Variants in PFKFB3 observed in about 807,000 individuals in gnomAD.
PFKFB3 encodes 6-phosphofructo-2-kinase/fructose-2,6-bisphosphatase 3.
PFKFB3 carries 33 observed loss-of-function variants against 68.0 expected under a neutral mutation model. The observed-to-expected ratio is 0.49, with a 90% confidence interval of 0.37 to 0.65. The LOEUF (loss-of-function observed/expected upper bound fraction) is 0.65, where lower values mean the gene tolerates loss of function less well. Among genes scored for constraint, PFKFB3 ranks in the 30% least tolerant of loss-of-function variants. The pLI is 0.00. For synonymous variants in PFKFB3, 315 were observed against 288.2 expected (o/e 1.09, Z -0.94); for missense variants, 586 against 712.2 (o/e 0.82, Z 2.02).
At chr10:6,277,356 G>A in the PFKFB3 span, among the ~76,000 whole-genome samples, 1 of 151,918 alleles carries the variant, frequency 6.6e-6, no homozygotes, top group African/African-American at 2.4e-5. Context: ...GAGTAGCTGG[G>A]ATTACAGGTG....
intron 1 of PFKFB3, among the ~76,000 whole-genome samples, chr10:6,191,765 G>A (rs1414943125): frequency 2.0e-5 from 3 of 152,116 alleles, no homozygotes; most frequent in African/African-American, 7.2e-5. Context: ...CTTCAAATCA[G>A]CATCTGGTTT....
intron 14 of PFKFB3, among the ~76,000 whole-genome samples, chr10:6,249,799 T>G (rs886634880): frequency 6.6e-6 from 1 of 152,052 alleles, no homozygotes; most frequent in African/African-American, 2.4e-5. Context: ...AAAATAATAA[T>G]GTACATTTCA....
chr10:6,264,440 T>C, the PFKFB3 span, among the ~76,000 whole-genome samples: 2 of 152,240 alleles, frequency 1.3e-5, no homozygotes. Flanking sequence ...AGAACTGATA[T>C]CTTTACAATA....
chr10:6,225,704 T>G (rs1029360630), intron 13 of PFKFB3, among the ~76,000 whole-genome samples: 6 of 139,000 alleles, frequency 4.3e-5, no homozygotes, highest in East Asian at 2.0e-4. Flanking sequence ...TGCCCCATCC[T>G]AAGCCAGGGT....
At chr10:6,260,307 G>T in the PFKFB3 span, among the ~76,000 whole-genome samples, 1 of 151,688 alleles carries the variant, frequency 6.6e-6, no homozygotes, top group African/African-American at 2.4e-5. Flanking sequence ...TAGCTACACG[G>T]AGAGGCTGAG....
chr10:6,174,453 A>G (rs1842403550), intron 1 of PFKFB3, among the ~76,000 whole-genome samples: 1 of 152,206 alleles, frequency 6.6e-6, no homozygotes, highest in African/African-American at 2.4e-5. Flanking sequence ...CGCGGGCATC[A>G]GCTCAAGTTC....
chr10:6,205,670 G>A (rs1294374701), intron 1 of PFKFB3, among the ~76,000 whole-genome samples: 2 of 152,092 alleles, frequency 1.3e-5, no homozygotes, highest in African/African-American at 4.8e-5. Context: ...TGGGATTATA[G>A]GCATGAGCCA....
At chr10:6,256,327 G>A (rs953306615), downstream of PFKFB3, among the ~76,000 whole-genome samples, 3 of 152,172 alleles carry the variant, frequency 2.0e-5, no homozygotes, top group Admixed American at 6.5e-5. Flanking sequence ...GGTCACTCAA[G>A]GACTTGGGGG....
chr10:6,216,862 C>A, intron 5 of PFKFB3, 82 bp downstream of exon 5: 1 of 881,844 alleles, frequency 1.1e-6, no homozygotes, highest in Non-Finnish European at 1.8e-6. Flanking sequence ...CCTGCTTGGT[C>A]CTTCCCCTCC....
At position 6,217,121 on chromosome 10, in the gene PFKFB3, C is replaced by T. The variant is rs767361671; in HGVS notation, c.442-14C>T. On this transcript the variant is annotated splice_polypyrimidine_tract_variant and intron_variant, in intron 5 of 14. Transcript: ENST00000379775. ...GGTGTTTGTTTTCTAACATCCCCAC[C>T]TCACTTCCACCAGGCGTTTTTCATC... The T allele has an allele frequency of 3.1e-6, 5 of 1,613,766 alleles. No homozygotes were observed. The Admixed American group carries it at 8.3e-5, about 27-fold the overall frequency.
intron 1 of PFKFB3, among the ~76,000 whole-genome samples, chr10:6,166,212 G>C (rs1842134595): frequency 6.6e-6 from 1 of 152,016 alleles, no homozygotes; most frequent in African/African-American, 2.4e-5. Context: ...GAACACCTGA[G>C]CTCAGGTGAT....
At chr10:6,176,790 G>A (rs1842486670) in intron 1 of PFKFB3, among the ~76,000 whole-genome samples, 1 of 152,194 alleles carries the variant, frequency 6.6e-6, no homozygotes, top group Non-Finnish European at 1.5e-5. Flanking sequence ...AGTGACTCAA[G>A]CTGTCTCCGG....
the PFKFB3 span, among the ~76,000 whole-genome samples, chr10:6,284,251 G>A: frequency 6.6e-6 from 1 of 152,190 alleles, no homozygotes; most frequent in Non-Finnish European, 1.5e-5. Flanking sequence ...TTTTCTGCCT[G>A]CTAGACCTAT....
chr10:6,164,714 G>T (rs1344894690), intron 1 of PFKFB3, among the ~76,000 whole-genome samples: 1 of 152,118 alleles, frequency 6.6e-6, no homozygotes, highest in Admixed American at 6.5e-5. Flanking sequence ...GAGAAGGTCA[G>T]CAGGGAAACA....
intron 14 of PFKFB3, among the ~76,000 whole-genome samples, chr10:6,245,993 C>G (rs564379925): frequency 6.6e-6 from 1 of 152,298 alleles, no homozygotes; most frequent in Non-Finnish European, 1.5e-5. Flanking sequence ...ATTTCCTTCT[C>G]TCTCCTGAAA....
chr10:6,161,529 GATATATACACACATATGTAT>G (rs1227424432), intron 1 of PFKFB3, among the ~76,000 whole-genome samples: 32 of 150,744 alleles, frequency 2.1e-4, no homozygotes, highest in African/African-American at 5.6e-4. Context: ...TTGAGTCATA[GATATATACACACATATGTAT>G]ATATATACAC....
At chr10:6,162,548 T>C (rs1842000018) in intron 1 of PFKFB3, among the ~76,000 whole-genome samples, 1 of 152,264 alleles carries the variant, frequency 6.6e-6, no homozygotes, top group African/African-American at 2.4e-5. Flanking sequence ...AGAAGCTCTT[T>C]CCTGCCCATC....
chr10:6,268,094 C>A, the PFKFB3 span, among the ~76,000 whole-genome samples: 2 of 151,950 alleles, frequency 1.3e-5, no homozygotes, highest in African/African-American at 4.8e-5. Flanking sequence ...CAAGGATTTT[C>A]CTGTCTCCCC....
chr10:6,266,870 C>T, the PFKFB3 span, among the ~76,000 whole-genome samples: 6 of 152,348 alleles, frequency 3.9e-5, no homozygotes, highest in East Asian at 5.8e-4. Flanking sequence ...CTCATGCGTG[C>T]GAAGCAGGCC....
Sources: gnomAD v4.1 joint callset for allele counts (sites outside exome capture counted in the v4.1 genomes callset) on GRCh38, gnomAD v4.1.1 for gene constraint, MANE v1.5 for transcripts, NCBI Gene and HGNC (gene_info 2026-07-23, HGNC 2026-07-21) for gene names.